PDK1: variants seen among roughly 807,000 people sequenced by gnomAD.
PDK1 encodes the protein pyruvate dehydrogenase kinase 1.
In PDK1, 39 loss-of-function variants were observed where a neutral mutation model predicts 54.2. That is an observed-to-expected ratio of 0.72 (90% CI 0.56 to 0.94). The LOEUF (loss-of-function observed/expected upper bound fraction) is 0.94, where lower values mean the gene tolerates loss of function less well. Among genes scored for constraint, PDK1 ranks in the 40% least tolerant of loss-of-function variants. The probability of loss-of-function intolerance (pLI) is 0.00; values close to 1 mark genes in which losing one functional copy is unlikely to be tolerated. For synonymous variants in PDK1, 221 were observed against 207.1 expected, an observed-to-expected ratio of 1.07 and a Z score of -0.58; for missense variants, 552 against 566.0, an observed-to-expected ratio of 0.98 and a Z score of 0.25.
At chr2:172,707,093 G>A in the PDK1 span, among the ~76,000 whole-genome samples, 326 of 152,260 alleles carry the variant, frequency 2.1e-3, 2 homozygotes, top group Non-Finnish European at 4.0e-3. Flanking sequence ...CTCTCTGGTA[G>A]GCCTCCTCTG....
the PDK1 span, among the ~76,000 whole-genome samples, chr2:172,637,634 A>C: frequency 6.6e-6 from 1 of 152,172 alleles, no homozygotes; most frequent in East Asian, 1.9e-4. Context: ...TACATAACTT[A>C]GTACTTTCAT....
the PDK1 span, among the ~76,000 whole-genome samples, chr2:172,649,525 TAAC>T: frequency 2.0e-5 from 3 of 151,964 alleles, no homozygotes; most frequent in African/African-American, 4.8e-5. Flanking sequence ...TGATCGGTAA[TAAC>T]AAACTTCTCC....
chr2:172,571,823 C>CTTTTT (rs36031428), intron 8 of PDK1, among the ~76,000 whole-genome samples: 5 of 99,790 alleles, frequency 5.0e-5, no homozygotes, highest in African/African-American at 1.2e-4. Context: ...TCTTTCTTTA[C>CTTTTT]TTTTTTTTTT....
the PDK1 span, among the ~76,000 whole-genome samples, chr2:172,720,856 G>T: frequency 1.3e-5 from 2 of 152,222 alleles, no homozygotes; most frequent in African/African-American, 4.8e-5. Context: ...GGAGGGCTTT[G>T]TGACTTTCCT....
chr2:172,688,614 AAGG>A, the PDK1 span, among the ~76,000 whole-genome samples: 6 of 152,312 alleles, frequency 3.9e-5, no homozygotes, highest in East Asian at 9.6e-4. Flanking sequence ...ATAAAGGATA[AAGG>A]AGGAGGGAGC....
chr2:172,612,963 C>A (rs1558970112), downstream of PDK1, among the ~76,000 whole-genome samples: 1 of 152,082 alleles, frequency 6.6e-6, no homozygotes, highest in Non-Finnish European at 1.5e-5. Flanking sequence ...CCCGGCCCAG[C>A]TAGTGTTTTA....
intron 2 of PDK1, 131 bp downstream of exon 2, chr2:172,558,980 G>A: frequency 1.1e-6 from 1 of 937,126 alleles, no homozygotes. Context: ...ACGGAGTCTT[G>A]CTCTGTCGCC....
chr2:172,699,007 G>T, the PDK1 span, among the ~76,000 whole-genome samples: 8 of 151,974 alleles, frequency 5.3e-5, no homozygotes, highest in Non-Finnish European at 1.0e-4. Context: ...CTATACGTTT[G>T]GTATTTTATG....
At chr2:172,626,298 A>G in the PDK1 span, among the ~76,000 whole-genome samples, 4 of 152,142 alleles carry the variant, frequency 2.6e-5, no homozygotes, top group African/African-American at 9.7e-5. Context: ...TTGAAGGTAG[A>G]GTGACATTAG....
chr2:172,664,496 G>C, the PDK1 span, among the ~76,000 whole-genome samples: 1 of 151,666 alleles, frequency 6.6e-6, no homozygotes, highest in Non-Finnish European at 1.5e-5. Flanking sequence ...GTTCTGCCTT[G>C]GAGTATGATC....
At chr2:172,647,272 G>T in the PDK1 span, among the ~76,000 whole-genome samples, 3 of 152,110 alleles carry the variant, frequency 2.0e-5, no homozygotes, top group African/African-American at 7.2e-5. Context: ...GGGGCGCAGG[G>T]AATATGATGG....
At chr2:172,591,899 C>T (rs115013471) in intron 9 of PDK1, among the ~76,000 whole-genome samples, 36,609 of 152,198 alleles carry the variant, frequency 0.24, 5,610 homozygotes, top group Non-Finnish European at 0.35. Flanking sequence ...AAACAGCTCG[C>T]ATATTTGAGC....
chr2:172,721,249 G>T, the PDK1 span, among the ~76,000 whole-genome samples: 1 of 152,162 alleles, frequency 6.6e-6, no homozygotes, highest in Non-Finnish European at 1.5e-5. Flanking sequence ...TTATGAGTTT[G>T]TATTTTATCT....
At chr2:172,687,580 C>CA in the PDK1 span, among the ~76,000 whole-genome samples, 10 of 152,168 alleles carry the variant, frequency 6.6e-5, no homozygotes, top group Non-Finnish European at 1.3e-4. Flanking sequence ...CCCTACCCCC[C>CA]AACTTCAGCT....
chr2:172,720,826 T>G, the PDK1 span, among the ~76,000 whole-genome samples: 8 of 152,170 alleles, frequency 5.3e-5, no homozygotes, highest in African/African-American at 1.7e-4. Flanking sequence ...GAGGCTTTTG[T>G]TCCTTGAGAA....
chr2:172,689,051 G>A, the PDK1 span, among the ~76,000 whole-genome samples: 1 of 152,222 alleles, frequency 6.6e-6, no homozygotes, highest in African/African-American at 2.4e-5. Context: ...AGGGACCCGA[G>A]TGTGTTGCCA....
chr2:172,596,748 T>C lies in PDK1; in HGVS notation c.*779T>C, dbSNP rs1261512915. ...AACTGAACTGATTGCTTGTTGAGAT[T>C]ACCTAGAAAGCTTTTGGAAAAAAAT... On this transcript the variant is annotated 3_prime_UTR_variant, in exon 11 of 11. Coordinates refer to ENST00000282077, the MANE Select transcript of PDK1 (RefSeq NM_002610.5). The C allele has an allele frequency of 6.6e-6, 1 of 152,240 alleles. No individual in the cohort carries two copies. Among genetic ancestry groups the C allele is most frequent in the African/African-American group, 2.4e-5 (1 of 41,470 alleles). The allele number at this position is 152,240 out of a possible 1,614,324, so 9.4% of individuals were successfully genotyped here.
At chr2:172,660,796 A>T in the PDK1 span, among the ~76,000 whole-genome samples, 1 of 151,904 alleles carries the variant, frequency 6.6e-6, no homozygotes, top group Admixed American at 6.6e-5. Context: ...TTGTCCAGGC[A>T]CTTTCTTCAG....
the PDK1 span, chr2:172,691,355 T>C: frequency 6.6e-6 from 1 of 150,540 alleles, no homozygotes; most frequent in Non-Finnish European, 1.5e-5. Context: ...GTGTGGGATG[T>C]GCCGCCCACA....
Sources: gnomAD v4.1 joint callset for allele counts (sites outside exome capture counted in the v4.1 genomes callset) on GRCh38, gnomAD v4.1.1 for gene constraint, MANE v1.5 for transcripts, NCBI Gene and HGNC (gene_info 2026-07-23, HGNC 2026-07-21) for gene names.